The following DNA2 variants were observed in gnomAD, a reference collection of about 807,000 sequenced individuals.
The protein encoded by DNA2 is DNA replication helicase/nuclease 2, also known as DNA replication ATP-dependent helicase/nuclease DNA2.
DNA2 carries 101 observed loss-of-function variants against 119.1 expected under a neutral mutation model. That is an observed-to-expected ratio of 0.85 (90% CI 0.72 to 1.00). The LOEUF is 1.00. Ranked by LOEUF, DNA2 falls within the 50% of genes least tolerant of loss-of-function variation. The probability of loss-of-function intolerance (pLI) is 0.00; values close to 1 mark genes in which losing one functional copy is unlikely to be tolerated. For synonymous variants in DNA2, 366 were observed against 424.4 expected (o/e 0.86, Z 1.69); for missense variants, 1,121 against 1,255.5 (o/e 0.89, Z 1.62).
At chr10:68,470,356 C>T (rs2052370690) in intron 1 of DNA2, 193 bp from the exon 2 acceptor site, 2 of 532,538 alleles carry the variant, frequency 3.8e-6, no homozygotes, top group South Asian at 2.7e-5. Flanking sequence ...ATAAAAACTT[C>T]CCAGAAGTAA....
In DNA2 at chr10:68,470,107, T is replaced by G. The variant is rs759630179; in HGVS notation, c.131A>C (p.Asp44Ala). 1 of 1,613,488 alleles carries G rather than the reference T, an allele frequency of 6.2e-7. No homozygotes were observed. The highest frequency in any genetic ancestry group is 8.5e-7 in the Non-Finnish European group (1 of 1,179,820). Residue 44 changes from aspartate (D) to alanine (A), a missense_variant, in exon 2 of 21, where the codon GAT (aspartate) becomes GCT (alanine). Transcript: ENST00000358410. ...GACTGCCAACACCAGGTACCGGTTATCCATTCCTGTGCTCAGAACTGTTCT... is the reference window on the plus strand; with the variant it reads ...GACTGCCAACACCAGGTACCGGTTAGCCATTCCTGTGCTCAGAACTGTTCT... ...FPRTVLSTGM[D>A]NRYLVLAVNT...
intron 14 of DNA2, among the ~76,000 whole-genome samples, chr10:68,423,843 C>A (rs1237040779): frequency 1.3e-5 from 2 of 152,202 alleles, no homozygotes; most frequent in Non-Finnish European, 2.9e-5. Context: ...AGTGGGGAAC[C>A]CACACTTCGA....
In DNA2 at chr10:68,422,651, C is replaced by T. The variant is rs932927849; in HGVS notation, c.2402+46G>A. ...GTTTATCAGTGTACTAAATCTGTTCCTTGAAAATAATCTAGTTTAAAATTA... is the reference window on the plus strand; with the variant it reads ...GTTTATCAGTGTACTAAATCTGTTCTTTGAAAATAATCTAGTTTAAAATTA... On this transcript the variant is annotated intron_variant, in intron 15 of 20. Transcript: ENST00000358410. 5.0e-6 allele frequency: 8 copies of T among 1,613,098 alleles called. No individual in the cohort carries two copies. In the African/African-American group the frequency reaches 1.1e-4, roughly 22 times the overall value.
Position 68,432,463 on chromosome 10 carries a change from T to A in DNA2, c.1694A>T (p.Glu565Val). ...GGTATCTATATCACAATTTTTTTCT[T>A]CTTGGTCTAATCTGAACAAAGTTGA... ...PESTLFRLDQ[E>V]EKNCDIDTPL... The change falls in exon 11 of 21, where the codon GAA becomes GTA. Residue 565 changes from glutamate (E) to valine (V), a missense_variant. Glu to Val is a moderately radical substitution (Grantham distance 121). Coordinates refer to ENST00000358410, the MANE Select transcript of DNA2 (RefSeq NM_001080449.3). 6.3e-7 allele frequency: 1 copy of A among 1,584,554 alleles called. No individual in the cohort carries two copies. Among genetic ancestry groups the A allele is most frequent in the Non-Finnish European group, 8.6e-7 (1 of 1,165,512 alleles).
At chr10:68,439,939 A>C (rs966675632) in intron 9 of DNA2, among the ~76,000 whole-genome samples, 24 of 151,666 alleles carry the variant, frequency 1.6e-4, no homozygotes, top group African/African-American at 5.8e-4. Flanking sequence ...CGGGAGGCAG[A>C]GGTTGCATGA....
chr10:68,465,644 C>G lies in DNA2; in HGVS notation c.587+23G>C, dbSNP rs565235971. 13 of 1,521,476 alleles carry G rather than the reference C, an allele frequency of 8.5e-6. No homozygotes were observed. The South Asian group carries it at 1.4e-4, about 16-fold the overall frequency. 94.2% of individuals were successfully genotyped at this position (1,521,476 alleles called of 1,614,324 possible). ...AAGTTATATAATAAAATTATACCTGCAGTTCTTCTTATAACTACTTACATT... is the reference window on the plus strand; with the variant it reads ...AAGTTATATAATAAAATTATACCTGGAGTTCTTCTTATAACTACTTACATT... On this transcript the variant is annotated intron_variant, in intron 4 of 20. Transcript: ENST00000358410.
chr10:68,465,593 C>G (rs2052317346), intron 4 of DNA2, 74 bp downstream of exon 4: 1 of 1,171,160 alleles, frequency 8.5e-7, no homozygotes, highest in Non-Finnish European at 1.2e-6. Flanking sequence ...ATAGTCTACA[C>G]AAATACTTTA....
intron 4 of DNA2, among the ~76,000 whole-genome samples, chr10:68,460,687 G>C (rs935503651): frequency 6.6e-6 from 1 of 151,950 alleles, no homozygotes; most frequent in African/African-American, 2.4e-5. Flanking sequence ...GGATTACAGG[G>C]GTGAGCCATT....
At chr10:68,416,041 G>GGT (rs1435844609) in intron 20 of DNA2, among the ~76,000 whole-genome samples, 2 of 152,142 alleles carry the variant, frequency 1.3e-5, no homozygotes, top group Non-Finnish European at 2.9e-5. Context: ...AGCCAAGCGT[G>GGT]GTGGTACGTA....
chr10:68,430,820 C>T (rs1479628821), intron 13 of DNA2, among the ~76,000 whole-genome samples, 160 bp from the exon 14 acceptor site: 4 of 152,076 alleles, frequency 2.6e-5, no homozygotes, highest in South Asian at 4.1e-4. Context: ...CATTATTATA[C>T]GTTATTAATA....
rs901920030 is a variant in DNA2 at position 68,471,675 on chromosome 10, C to T, written c.74+116G>A. 16 of 1,297,852 alleles carry T rather than the reference C, an allele frequency of 1.2e-5. No homozygotes were observed. The African/African-American group carries it at 2.4e-4, about 20-fold the overall frequency. 80.4% of individuals were successfully genotyped at this position (1,297,852 alleles called of 1,614,324 possible). A position where few individuals can be genotyped will look rare whatever the true frequency, so the allele number is the denominator to read the frequency against. On this transcript the variant is annotated intron_variant, in intron 1 of 20. Transcript: ENST00000358410. ...GGCTCGTCGGGTGCCCAGGGAGCTG[C>T]ACCGGGTCCCTGGGCCCCGGGCCCG...
At chr10:68,426,749 G>A (rs2051747004) in intron 14 of DNA2, among the ~76,000 whole-genome samples, 1 of 151,814 alleles carries the variant, frequency 6.6e-6, no homozygotes, top group South Asian at 2.1e-4. Flanking sequence ...TGAGGCAGGA[G>A]AATGGCGTGA....
rs768224651 is a variant in DNA2, at chr10:68,446,343, T to C, written c.1010A>G (p.Lys337Arg). 1.6e-5 allele frequency: 26 copies of C among 1,598,310 alleles called. No individual in the cohort carries two copies. Among genetic ancestry groups the C allele is most frequent in the Middle Eastern group, 1.6e-4 (1 of 6,076 alleles). ...AGGCACAGGGTACATCTGACCAGTCTTGAGGTAGAGAAGCAAGCCAGCCTC... is the reference window on the plus strand; with the variant it reads ...AGGCACAGGGTACATCTGACCAGTCCTGAGGTAGAGAAGCAAGCCAGCCTC... The part of the protein sequence containing the change: ...DPEAGLLLYL[K>R]TGQMYPVPAN... Residue 337 changes from lysine to arginine, a missense_variant, in exon 7 of 21, where the codon AAG (lysine) becomes AGG (arginine). Lys to Arg is a conservative substitution (Grantham distance 26, BLOSUM62 2). Transcript: ENST00000358410.
In DNA2 at chr10:68,471,603, G is replaced by A. The variant is rs541584232; in HGVS notation, c.74+188C>T. ...GCGAGGGAGAGTCCAGGCTCTGGCT[G>A]AATGTGGCCCCAAAGAACACCTTGG... On this transcript the variant is annotated intron_variant, in intron 1 of 20. Coordinates refer to ENST00000358410, the MANE Select transcript of DNA2 (RefSeq NM_001080449.3). Among the ~76,000 whole-genome samples the A allele has an allele frequency of 4.5e-4, 69 of 152,286 alleles. No individual in the cohort carries two copies. In the Middle Eastern group the frequency reaches 0.01, roughly 23 times the overall value.
At chr10:68,420,581 C>T (rs1388644322) in intron 17 of DNA2, among the ~76,000 whole-genome samples, 1 of 151,770 alleles carries the variant, frequency 6.6e-6, no homozygotes, top group Non-Finnish European at 1.5e-5. Flanking sequence ...TATCTGTGCT[C>T]TTTCCATTTT....
chr10:68,437,030 C>CTG lies in DNA2; in HGVS notation c.1625_1626dup (p.Val543GlnfsTer2). 1.9e-6 allele frequency: 3 copies of CTG among 1,609,882 alleles called. No homozygotes were observed. Among genetic ancestry groups the CTG allele is most frequent in the Non-Finnish European group, 2.5e-6 (3 of 1,178,290 alleles). On this transcript the variant is annotated frameshift_variant, in exon 10 of 21. Transcript: ENST00000358410. LOFTEE classifies it high-confidence loss of function. Reference sequence around the variant, plus strand: ...CATTACCTGTCTAATAAACAAGTTACTGTTGTCATGTTAATCTCCTTCACA... The same window carrying CTG: ...CATTACCTGTCTAATAAACAAGTTACTGTGTTGTCATGTTAATCTCCTTCACA...
chr10:68,415,654 CTG>C (rs960001692), intron 20 of DNA2, among the ~76,000 whole-genome samples: 36 of 152,026 alleles, frequency 2.4e-4, no homozygotes, highest in African/African-American at 8.7e-4. Flanking sequence ...ACTTCATACA[CTG>C]TTTTTTTTGT....
chr10:68,470,037 G>A lies in DNA2; in HGVS notation c.201C>T (p.Val67=). The A allele has an allele frequency of 1.9e-6, 3 of 1,613,632 alleles. No homozygotes were observed. The highest frequency in any genetic ancestry group is 2.5e-6 in the Non-Finnish European group (3 of 1,179,826). Residue 67 remains valine, a synonymous_variant, in exon 2 of 21, where the codon GTC becomes GTT. Transcript: ENST00000358410. ...TTTCTAGTGACTGTGAAGCAGTGAT[G>A]ACCAGGCGCTTTTCACAGTTTCCCT... ...NKEGNCEKRL[V]ITASQSLENK...
chr10:68,418,055 A>G (rs2051614951), intron 19 of DNA2, among the ~76,000 whole-genome samples: 1 of 152,212 alleles, frequency 6.6e-6, no homozygotes, highest in Admixed American at 6.5e-5. Flanking sequence ...AAAATGAAAA[A>G]GTTCCAGAGA....
Sources: allele counts gnomAD v4.1 joint callset (sites outside exome capture counted in the v4.1 genomes callset), GRCh38; gene constraint gnomAD v4.1.1; transcripts MANE v1.5; gene names NCBI Gene and HGNC (gene_info 2026-07-23, HGNC 2026-07-21).